The following CNTNAP4 variants were observed in gnomAD, a reference collection of about 807,000 sequenced individuals.
CNTNAP4 encodes the protein contactin associated protein family member 4.
A neutral mutation model predicts 148.4 loss-of-function variants in CNTNAP4; 98 were observed. The ratio of observed to expected loss-of-function variants is 0.66; its 90% CI spans 0.56 to 0.78. The LOEUF is 0.78. Ranked by LOEUF, CNTNAP4 falls within the 30% of genes least tolerant of loss-of-function variation. The pLI, the probability that CNTNAP4 is intolerant of heterozygous loss-of-function variation, is 0.00. For synonymous variants in CNTNAP4, 730 were observed against 565.1 expected (o/e 1.29, Z -4.14); for missense variants, 1,935 against 1,565.6 (o/e 1.24, Z -3.98).
At chr16:76,365,278 C>A (rs1392118148) in intron 3 of CNTNAP4, among the ~76,000 whole-genome samples, 1 of 152,056 alleles carries the variant, frequency 6.6e-6, no homozygotes, top group Non-Finnish European at 1.5e-5. Context: ...GTTACTGTAG[C>A]CTTGTAGTAT....
intron 2 of CNTNAP4, among the ~76,000 whole-genome samples, chr16:76,317,655 A>G (rs1253003966): frequency 6.6e-6 from 1 of 152,150 alleles, no homozygotes; most frequent in Non-Finnish European, 1.5e-5. Context: ...GTTATCCTTA[A>G]TATGTGCTTA....
At chr16:76,534,631 G>C (rs2084136720) in intron 17 of CNTNAP4, among the ~76,000 whole-genome samples, 1 of 152,160 alleles carries the variant, frequency 6.6e-6, no homozygotes, top group Non-Finnish European at 1.5e-5. Flanking sequence ...TGATGGTCTA[G>C]TGATCATCTG....
intron 23 of CNTNAP4, among the ~76,000 whole-genome samples, chr16:76,554,409 A>G (rs1354527350): frequency 2.0e-4 from 31 of 152,204 alleles, no homozygotes; most frequent in Admixed American, 2.0e-3. Context: ...TCTATCAACT[A>G]AATATTACAC....
At chr16:76,483,292 T>C (rs2081910475) in intron 12 of CNTNAP4, among the ~76,000 whole-genome samples, 1 of 147,974 alleles carries the variant, frequency 6.8e-6, no homozygotes, top group African/African-American at 2.5e-5. Flanking sequence ...ATTCTCATTG[T>C]TTGCAGTCGT....
At chr16:76,372,119 T>A (rs924654819) in intron 3 of CNTNAP4, among the ~76,000 whole-genome samples, 36 of 151,246 alleles carry the variant, frequency 2.4e-4, no homozygotes, top group Admixed American at 1.1e-3. Context: ...TGGCTGATAA[T>A]GGTTGTGTTC....
intron 2 of CNTNAP4, among the ~76,000 whole-genome samples, chr16:76,333,249 CATTA>C (rs1963699908): frequency 6.6e-6 from 1 of 152,086 alleles, no homozygotes; most frequent in African/African-American, 2.4e-5. Flanking sequence ...TTAGAGCTAT[CATTA>C]ATCTTATAGC....
chr16:76,345,264 A>C (rs1326280604), intron 2 of CNTNAP4, among the ~76,000 whole-genome samples: 4 of 152,102 alleles, frequency 2.6e-5, no homozygotes, highest in African/African-American at 9.7e-5. Flanking sequence ...ACCCACATTC[A>C]CTTCTAGGCA....
In CNTNAP4 at chr16:76,539,600, A is replaced by G. The variant is rs2084360805; in HGVS notation, c.3221-119A>G. 4 of 798,076 alleles carry G rather than the reference A, an allele frequency of 5.0e-6. No homozygotes were observed. The South Asian group carries it at 5.2e-5, about 10-fold the overall frequency. The allele number at this position is 798,076 out of a possible 1,614,324, so 49.4% of individuals were successfully genotyped here. A position where few individuals can be genotyped will look rare whatever the true frequency, so the allele number is the denominator to read the frequency against. On this transcript the variant is annotated intron_variant, in intron 19 of 23. Transcript: ENST00000611870. ...TGACTCTTGGGGATTATAAAAAGGT[A>G]TCTTCCAATTTTTCCCTCGAAATGA...
chr16:76,553,747 T>G, intron 22 of CNTNAP4, 89 bp from the exon 23 acceptor site: 1 of 819,894 alleles, frequency 1.2e-6, no homozygotes, highest in Admixed American at 2.4e-5. Flanking sequence ...TCCATAATTC[T>G]CTGTGGTTTA....
At chr16:76,504,386 C>T (rs962383663) in intron 15 of CNTNAP4, among the ~76,000 whole-genome samples, 13 of 150,400 alleles carry the variant, frequency 8.6e-5, no homozygotes, top group African/African-American at 2.4e-4. Flanking sequence ...TGGAACAATT[C>T]GAATCCAATT....
chr16:76,396,057 G>T (rs2078192824), intron 3 of CNTNAP4, among the ~76,000 whole-genome samples: 2 of 152,202 alleles, frequency 1.3e-5, no homozygotes, highest in South Asian at 4.2e-4. Context: ...CTGAACAGTG[G>T]TGAAAAATAA....
At chr16:76,552,148 A>AGAAC (rs71134767) in intron 21 of CNTNAP4, among the ~76,000 whole-genome samples, 151,732 of 152,278 alleles carry the variant, frequency 1, 75,595 homozygotes, top group Middle Eastern at 1. Flanking sequence ...AGGAGAGAGA[A>AGAAC]GAAGGATGAA....
chr16:76,368,874 T>A (rs2014465656), intron 3 of CNTNAP4, among the ~76,000 whole-genome samples: 1 of 152,120 alleles, frequency 6.6e-6, no homozygotes, highest in South Asian at 2.1e-4. Context: ...CAGTTTACAC[T>A]CGCCCCATTT....
rs773842575 is a variant in CNTNAP4, at chr16:76,452,800, A to G, written c.1333+31A>G. The G allele has an allele frequency of 1.6e-5, 24 of 1,495,080 alleles. 1 individual carries two copies. The South Asian group carries it at 2.4e-4, about 15-fold the overall frequency. The allele number at this position is 1,495,080 out of a possible 1,614,324, so 92.6% of individuals were successfully genotyped here. A position where few individuals can be genotyped will look rare whatever the true frequency, so the allele number is the denominator to read the frequency against. The stretch of plus-strand genomic sequence containing the variant: ...AAATGTATTCCCTGGGGCAAAGCAT[A>G]TGGATTTGAAAGATTTCATTATCTC... On this transcript the variant is annotated intron_variant, in intron 8 of 23. Coordinates refer to ENST00000611870, the MANE Select transcript of CNTNAP4 (RefSeq NM_033401.5).
chr16:76,336,084 T>A lies in CNTNAP4; in HGVS notation c.197-19234T>A, dbSNP rs572462726. Reference sequence around the variant, plus strand: ...GTTAAATTTGAAGGTGGCATAAATATAATCCTGAATTGACTGAGTAATCTG... The same window carrying A: ...GTTAAATTTGAAGGTGGCATAAATAAAATCCTGAATTGACTGAGTAATCTG... On this transcript the variant is annotated intron_variant, in intron 2 of 23. Transcript: ENST00000611870. Among the ~76,000 whole-genome samples, 475 of 152,234 alleles carry A rather than the reference T, an allele frequency of 3.1e-3. 1 individual carries two copies. The highest frequency in any genetic ancestry group is 5.8e-3 in the African/African-American group (240 of 41,544).
intron 14 of CNTNAP4, 137 bp downstream of exon 14, chr16:76,495,203 G>A (rs1567114): frequency 0.86 from 747,780 of 873,738 alleles, 324,859 homozygotes; most frequent in East Asian, 0.96. Flanking sequence ...TTAATGAAAC[G>A]TGGTGTAGTC....
At chr16:76,538,009 TTCTA>T (rs2084284244) in intron 18 of CNTNAP4, 103 bp from the exon 19 acceptor site, 1 of 427,216 alleles carries the variant, frequency 2.3e-6, no homozygotes, top group Non-Finnish European at 3.9e-6. Context: ...GGGTTGGTTC[TTCTA>T]TCTATGCAAT....
At chr16:76,278,549 A>G in intron 1 of CNTNAP4, among the ~76,000 whole-genome samples, 1 of 152,208 alleles carries the variant, frequency 6.6e-6, no homozygotes, top group African/African-American at 2.4e-5. Flanking sequence ...TCCACTCTTT[A>G]TTAGAGATAG....
At chr16:76,327,268 A>G (rs1963084373) in intron 2 of CNTNAP4, among the ~76,000 whole-genome samples, 2 of 152,064 alleles carry the variant, frequency 1.3e-5, no homozygotes, top group African/African-American at 4.8e-5. Flanking sequence ...TACGCTCCCA[A>G]TATTTTAGCT....
Sources: gnomAD v4.1 joint callset for allele counts (sites outside exome capture counted in the v4.1 genomes callset) on GRCh38, gnomAD v4.1.1 for gene constraint, MANE v1.5 for transcripts, NCBI Gene and HGNC (gene_info 2026-07-23, HGNC 2026-07-21) for gene names.